Variants in FAM78B observed in about 807,000 individuals in gnomAD.
FAM78B encodes the protein protein FAM78B.
In FAM78B, 10 loss-of-function variants were observed where a neutral mutation model predicts 20.0. The observed-to-expected ratio is 0.50, with a 90% CI of 0.31 to 0.85. FAM78B has a LOEUF of 0.85. Among genes scored for constraint, FAM78B ranks in the 40% least tolerant of loss-of-function variants. The pLI, the probability that FAM78B is intolerant of heterozygous loss-of-function variation, is 0.05. For synonymous variants in FAM78B, 135 were observed against 132.8 expected (o/e 1.02, Z -0.12); for missense variants, 283 against 345.0 (o/e 0.82, Z 1.42).
chr1:166,065,706 G>A (rs1310218193), downstream of FAM78B, among the ~76,000 whole-genome samples: 1 of 152,102 alleles, frequency 6.6e-6, no homozygotes, highest in African/African-American at 2.4e-5. Context: ...GCCTTCCATA[G>A]GCAGATGTCC....
chr1:166,089,802 T>C (rs1652992340), intron 1 of FAM78B, among the ~76,000 whole-genome samples: 1 of 152,136 alleles, frequency 6.6e-6, no homozygotes, highest in East Asian at 1.9e-4. Context: ...CCAGTATCCC[T>C]TGGACTCAGT....
At chr1:166,130,817 T>C (rs889762978) in intron 1 of FAM78B, among the ~76,000 whole-genome samples, 2 of 152,174 alleles carry the variant, frequency 1.3e-5, no homozygotes, top group Admixed American at 1.3e-4. Context: ...AGACCTGTGC[T>C]CTTTCTCCTG....
chr1:166,157,946 C>G (rs1655981460), intron 1 of FAM78B, among the ~76,000 whole-genome samples: 1 of 152,164 alleles, frequency 6.6e-6, no homozygotes, highest in South Asian at 2.1e-4. Context: ...ACTCCTGGCC[C>G]CTCACAAAGA....
At chr1:166,098,684 A>G (rs1409284440) in intron 1 of FAM78B, among the ~76,000 whole-genome samples, 7 of 152,060 alleles carry the variant, frequency 4.6e-5, no homozygotes, top group African/African-American at 1.4e-4. Context: ...ACCCAATCCA[A>G]CAAAGACAAA....
At chr1:166,072,905 G>GTCTT (rs1652105719) in intron 1 of FAM78B, among the ~76,000 whole-genome samples, 1 of 152,150 alleles carries the variant, frequency 6.6e-6, no homozygotes, top group Non-Finnish European at 1.5e-5. Context: ...TGTCTATAGA[G>GTCTT]TCTTTATAGT....
At chr1:166,152,956 G>C (rs992869006) in intron 1 of FAM78B, among the ~76,000 whole-genome samples, 2 of 152,288 alleles carry the variant, frequency 1.3e-5, no homozygotes, top group Non-Finnish European at 1.5e-5. Context: ...GATTACAGGC[G>C]TGAGTGCGCC....
intron 1 of FAM78B, among the ~76,000 whole-genome samples, chr1:166,100,790 A>AGCAGAG (rs1653483337): frequency 6.6e-6 from 1 of 152,262 alleles, no homozygotes; most frequent in Non-Finnish European, 1.5e-5. Context: ...AACAAAAGGC[A>AGCAGAG]GCAGAAACCT....
intron 1 of FAM78B, among the ~76,000 whole-genome samples, chr1:166,159,854 A>G (rs1656076982): frequency 6.6e-6 from 1 of 152,184 alleles, no homozygotes; most frequent in Admixed American, 6.5e-5. Flanking sequence ...TGCTTCCCTG[A>G]TAAGACCAGT....
intron 1 of FAM78B, among the ~76,000 whole-genome samples, chr1:166,080,011 C>T (rs1461172744): frequency 6.6e-6 from 1 of 152,180 alleles, no homozygotes; most frequent in Non-Finnish European, 1.5e-5. Flanking sequence ...CTACTTTGTA[C>T]ATCAATTGCA....
intron 1 of FAM78B, among the ~76,000 whole-genome samples, chr1:166,162,646 A>G (rs1656192878): frequency 6.6e-6 from 1 of 152,160 alleles, no homozygotes; most frequent in Non-Finnish European, 1.5e-5. Context: ...CATACTCAAG[A>G]GGTATAAAGA....
Position 166,094,666 on chromosome 1 carries a change from A to G in FAM78B, c.264-23903T>C, listed in dbSNP as rs558382024. On this transcript the variant is annotated intron_variant, in intron 1 of 1. Coordinates refer to ENST00000354422, the MANE Select transcript of FAM78B (RefSeq NM_001017961.5). ...AATGTGCCTTAATGTTTCTGCAGTG[A>G]ATATTCTGACCCTATATGGATGCTC... Among the ~76,000 whole-genome samples the G allele has an allele frequency of 1.1e-3, 166 of 152,332 alleles. 1 individual carries two copies. Among genetic ancestry groups the G allele is most frequent in the African/African-American group, 3.9e-3 (161 of 41,582 alleles).
At chr1:166,083,670 G>T (rs905399110) in intron 1 of FAM78B, among the ~76,000 whole-genome samples, 1 of 152,090 alleles carries the variant, frequency 6.6e-6, no homozygotes, top group Non-Finnish European at 1.5e-5. Context: ...ACGCCCAGCT[G>T]ATTTTTGTAG....
intron 1 of FAM78B, among the ~76,000 whole-genome samples, chr1:166,161,640 T>C (rs768191522): frequency 6.6e-6 from 1 of 152,076 alleles, no homozygotes; most frequent in African/African-American, 2.4e-5. Context: ...GAGAGAGTGG[T>C]GGCTGGATTA....
chr1:166,157,370 C>A (rs1462418872), intron 1 of FAM78B, among the ~76,000 whole-genome samples: 2 of 151,126 alleles, frequency 1.3e-5, no homozygotes, highest in Non-Finnish European at 2.9e-5. Context: ...TATTACTGTC[C>A]ATTTATGTAC....
rs764699980 is a variant in FAM78B at position 166,165,939 on chromosome 1, G to C, written c.263+47C>G. On this transcript the variant is annotated intron_variant, in intron 1 of 1. Transcript: ENST00000354422. The stretch of plus-strand genomic sequence containing the variant: ...GAGGGGGGTCAAGGTGGCAAGCAGA[G>C]CTGGGGGCCCAGAGTCCGCTCCCGT... 3 of 1,611,476 alleles carry C rather than the reference G, an allele frequency of 1.9e-6. 1 individual carries two copies. The highest frequency in any genetic ancestry group is 2.2e-5 in the East Asian group (1 of 44,810).
intron 1 of FAM78B, among the ~76,000 whole-genome samples, chr1:166,157,769 G>C (rs1655966547): frequency 6.6e-6 from 1 of 152,162 alleles, no homozygotes; most frequent in African/African-American, 2.4e-5. Context: ...CTGGGTGACT[G>C]TCTGCTGGGG....
chr1:166,151,413 A>G (rs1009672561), intron 1 of FAM78B, among the ~76,000 whole-genome samples: 1 of 152,226 alleles, frequency 6.6e-6, no homozygotes, highest in African/African-American at 2.4e-5. Flanking sequence ...CAGACGTTTC[A>G]GGAAGCACCA....
intron 1 of FAM78B, among the ~76,000 whole-genome samples, chr1:166,125,937 T>C (rs1339220272): frequency 6.6e-6 from 1 of 151,314 alleles, no homozygotes; most frequent in Non-Finnish European, 1.5e-5. Flanking sequence ...GTTCAAGCGA[T>C]TCTCCTGCCT....
intron 1 of FAM78B, among the ~76,000 whole-genome samples, chr1:166,120,761 C>T (rs950206483): frequency 1.3e-5 from 2 of 152,136 alleles, no homozygotes; most frequent in Admixed American, 6.5e-5. Context: ...AGCAGGAGCA[C>T]GTGGTGAGCA....
Sources: gnomAD v4.1 joint callset for allele counts (sites outside exome capture counted in the v4.1 genomes callset) on GRCh38, gnomAD v4.1.1 for gene constraint, MANE v1.5 for transcripts, NCBI Gene and HGNC (gene_info 2026-07-23, HGNC 2026-07-21) for gene names.